The following FGF13 variants were observed in gnomAD, a reference collection of about 807,000 sequenced individuals.
FGF13 encodes the protein fibroblast growth factor 13.
A neutral mutation model predicts 19.5 loss-of-function variants in FGF13; 2 were observed. That is an observed-to-expected ratio of 0.10 (90% CI 0.04 to 0.32). FGF13 has a LOEUF of 0.32. Among genes scored for constraint, FGF13 ranks in the 10% least tolerant of loss-of-function variants. The pLI is 1.00. For synonymous variants in FGF13, 72 were observed against 76.9 expected (o/e 0.94, Z 0.33); for missense variants, 113 against 192.7 (o/e 0.59, Z 2.45).
chrX:138,923,723 C>T (rs1266925799), intron 1 of FGF13, among the ~76,000 whole-genome samples: 1 of 111,983 alleles, frequency 8.9e-6, no homozygotes, highest in Non-Finnish European at 1.9e-5. Context: ...GCCACATGAA[C>T]CTTCTGTGGA....
At chrX:139,121,024 G>A (rs2083673525) in intron 1 of FGF13, among the ~76,000 whole-genome samples, 2 of 112,635 alleles carry the variant, frequency 1.8e-5, no homozygotes, top group Admixed American at 1.9e-4. Context: ...CTCTCTGCAT[G>A]CAATAGGACC....
chrX:138,744,503 T>C (rs1490598478), intron 3 of FGF13, among the ~76,000 whole-genome samples: 2 of 111,770 alleles, frequency 1.8e-5, no homozygotes, highest in Non-Finnish European at 3.8e-5. Flanking sequence ...GTGCGTGGCA[T>C]TTCGTAAGCA....
intron 1 of FGF13, among the ~76,000 whole-genome samples, chrX:138,865,655 G>A (rs2091319313): frequency 1.8e-5 from 2 of 111,060 alleles, no homozygotes; most frequent in Non-Finnish European, 3.8e-5. Flanking sequence ...CTACACAGAA[G>A]CCCTGTTCCA....
intron 1 of FGF13, among the ~76,000 whole-genome samples, chrX:139,024,836 T>C (rs2092194821): frequency 9.0e-6 from 1 of 111,374 alleles, no homozygotes; most frequent in African/African-American, 3.3e-5. Context: ...ATGATCATTA[T>C]TCCCGGATCA....
chrX:138,719,109 G>C lies in FGF13; in HGVS notation c.29-10181C>G, dbSNP rs139517663. Among the ~76,000 whole-genome samples, 206 of 112,247 alleles carry C rather than the reference G, an allele frequency of 1.8e-3. 5 individuals are homozygous for C. The East Asian group carries it at 0.043, about 23-fold the overall frequency. The stretch of plus-strand genomic sequence containing the variant: ...CAAAAAGCACATTTATGTATACAAG[G>C]CCAGACCTTTAAATACTACTTCTTT... On this transcript the variant is annotated intron_variant, in intron 1 of 4. Coordinates refer to the FGF13 transcript ENST00000305414.
chrX:138,752,447 T>C (rs920419250), intron 3 of FGF13, among the ~76,000 whole-genome samples: 5 of 111,736 alleles, frequency 4.5e-5, no homozygotes, highest in African/African-American at 1.6e-4. Flanking sequence ...AAAAATTAGA[T>C]ATGGAAAGAG....
chrX:138,668,133 T>C (rs1220583704), intron 3 of FGF13, among the ~76,000 whole-genome samples: 1 of 111,935 alleles, frequency 8.9e-6, no homozygotes, highest in African/African-American at 3.2e-5. Flanking sequence ...ATTTGTTAAC[T>C]TAATGAACTT....
intron 1 of FGF13, among the ~76,000 whole-genome samples, chrX:139,003,431 T>C (rs926357573): frequency 8.9e-6 from 1 of 111,760 alleles, no homozygotes; most frequent in African/African-American, 3.3e-5. Context: ...GCCTCTACAG[T>C]GTGGAAGGGG....
At chrX:138,889,099 T>C (rs2124191847) in intron 1 of FGF13, among the ~76,000 whole-genome samples, 1 of 111,773 alleles carries the variant, frequency 8.9e-6, no homozygotes, top group Non-Finnish European at 1.9e-5. Context: ...CACAGTATCG[T>C]GAGTGCTCTA....
chrX:138,828,585 A>G (rs1205713230), intron 3 of FGF13, among the ~76,000 whole-genome samples: 2 of 111,001 alleles, frequency 1.8e-5, no homozygotes, highest in Non-Finnish European at 3.8e-5. Context: ...AAAAAAAAAA[A>G]AAATCTCCAT....
intron 1 of FGF13, among the ~76,000 whole-genome samples, chrX:138,931,854 C>T (rs986151582): frequency 1.8e-5 from 2 of 111,680 alleles, no homozygotes; most frequent in Non-Finnish European, 3.8e-5. Flanking sequence ...GATTTATGTG[C>T]TCAGATAAAA....
At position 139,064,343 on chromosome X, in the gene FGF13, C is replaced by T. The variant is rs1344078169; in HGVS notation, c.-113+139073G>A. On this transcript the variant is annotated intron_variant, in intron 1 of 2. Transcript: ENST00000421460. ...CGGAGTCTCGCTCTGTCGCCCAGGC[C>T]GGACTGCAGACTGCAGTGGCGCAAT... Among the ~76,000 whole-genome samples the T allele has an allele frequency of 3.3e-4, 23 of 70,324 alleles. 5 individuals carry two copies. Among genetic ancestry groups the T allele is most frequent in the Non-Finnish European group, 3.8e-4 (16 of 42,172 alleles). 61.1% of individuals were successfully genotyped at this position (70,324 alleles called of 115,157 possible). A position where few individuals can be genotyped will look rare whatever the true frequency, so the allele number is the denominator to read the frequency against.
chrX:138,790,043 CAA>C (rs764151731), intron 3 of FGF13, among the ~76,000 whole-genome samples: 3 of 29,166 alleles, frequency 1.0e-4, no homozygotes, highest in African/African-American at 3.4e-4. Flanking sequence ...AGACTCCATT[CAA>C]AAAAAAAAAA....
chrX:139,031,293 C>T (rs192811722), intron 1 of FGF13, among the ~76,000 whole-genome samples: 60 of 111,715 alleles, frequency 5.4e-4, no homozygotes, highest in African/African-American at 1.9e-3. Context: ...GCAACAGCTT[C>T]TGGATTATTT....
intron 1 of FGF13, among the ~76,000 whole-genome samples, chrX:138,723,439 T>C (rs989287450): frequency 9.0e-6 from 1 of 111,602 alleles, no homozygotes; most frequent in African/African-American, 3.3e-5. Context: ...GGTGTTGCCA[T>C]GGAGATTTAT....
intron 1 of FGF13, among the ~76,000 whole-genome samples, chrX:139,054,783 C>T (rs1385004545): frequency 9.0e-6 from 1 of 110,766 alleles, no homozygotes; most frequent in Non-Finnish European, 1.9e-5. Context: ...TTGTAGTTTT[C>T]TTTCCAGCAT....
chrX:138,730,132 A>G (rs2090217452), intron 1 of FGF13, among the ~76,000 whole-genome samples: 1 of 111,166 alleles, frequency 9.0e-6, no homozygotes, highest in Admixed American at 9.6e-5. Context: ...ATAAATTTGT[A>G]AAATATTAAA....
chrX:139,050,209 C>G (rs893290916), intron 1 of FGF13, among the ~76,000 whole-genome samples: 3 of 111,791 alleles, frequency 2.7e-5, no homozygotes, highest in African/African-American at 9.7e-5. Context: ...GGTATAGGAT[C>G]CATGTCCTTC....
chrX:138,936,783 C>T (rs2091733271), intron 1 of FGF13, among the ~76,000 whole-genome samples: 1 of 112,107 alleles, frequency 8.9e-6, no homozygotes, highest in African/African-American at 3.2e-5. Flanking sequence ...TTGTGGTCTC[C>T]AGGGAAAGCA....
Sources: allele counts gnomAD v4.1 joint callset (sites outside exome capture counted in the v4.1 genomes callset), GRCh38; gene constraint gnomAD v4.1.1; transcripts MANE v1.5; gene names NCBI Gene and HGNC (gene_info 2026-07-23, HGNC 2026-07-21).